The following TMEM167B variants were observed in gnomAD, a reference collection of about 807,000 sequenced individuals.
The protein encoded by TMEM167B is protein kish-B.
TMEM167B carries 2 observed loss-of-function variants against 9.4 expected under a neutral mutation model. The ratio of observed to expected loss-of-function variants is 0.21; its 90% CI spans 0.09 to 0.67. The LOEUF is 0.67. TMEM167B is among the 30% of genes least tolerant of loss of function. TMEM167B has a pLI of 0.82. For missense variants in TMEM167B, 68 were observed against 87.6 expected (o/e 0.78, Z 0.89); for synonymous variants, 28 against 32.0 (o/e 0.87, Z 0.42).
rs965349658 is a variant in TMEM167B at position 109,096,069 on chromosome 1, A to C, written c.*1570A>C. ...GTCTTCTGTCTGCTTACTCCAAATA[A>C]TAAAAGCTGCTAGGAAGTTTAGATT... On this transcript the variant is annotated 3_prime_UTR_variant, in exon 3 of 3. Coordinates refer to ENST00000338272, the MANE Select transcript of TMEM167B (RefSeq NM_020141.4). 1 of 152,358 alleles carries C rather than the reference A, an allele frequency of 6.6e-6. No homozygotes were observed. The highest frequency in any genetic ancestry group is 1.5e-5 in the Non-Finnish European group (1 of 68,042). The allele number at this position is 152,358 out of a possible 1,614,324, so 9.4% of individuals were successfully genotyped here.
At chr1:109,091,054 TCC>T (rs1664437600) in intron 1 of TMEM167B, among the ~76,000 whole-genome samples, 172 bp downstream of exon 1, 1 of 151,722 alleles carries the variant, frequency 6.6e-6, no homozygotes, top group African/African-American at 2.4e-5. Context: ...GGTTCCCCCT[TCC>T]CATATTCATC....
At chr1:109,091,191 T>C (rs1202980769) in intron 1 of TMEM167B, among the ~76,000 whole-genome samples, 1 of 152,204 alleles carries the variant, frequency 6.6e-6, no homozygotes, top group African/African-American at 2.4e-5. Flanking sequence ...ACTACTGCTA[T>C]TTAAACCCGG....
intron 2 of TMEM167B, 54 bp downstream of exon 2, chr1:109,093,075 G>T: frequency 6.2e-7 from 1 of 1,606,074 alleles, no homozygotes; most frequent in Non-Finnish European, 8.5e-7. Context: ...ACAGTGTGGA[G>T]CTACAAAGTA....
rs1664547224 is a variant in TMEM167B, at chr1:109,095,524, T to G, written c.*1025T>G. ...CTTATAAAAGACAACAAACTTATTT[T>G]CTGTTTAAGTCTGAGTGTTATGGCA... On this transcript the variant is annotated 3_prime_UTR_variant, in exon 3 of 3. Transcript: ENST00000338272. 1 of 152,216 alleles carries G rather than the reference T, an allele frequency of 6.6e-6. No individual in the cohort carries two copies. The highest frequency in any genetic ancestry group is 2.4e-5 in the African/African-American group (1 of 41,456). 9.4% of individuals were successfully genotyped at this position (152,216 alleles called of 1,614,324 possible).
At chr1:109,094,235 G>A (rs1259614141) in intron 2 of TMEM167B, among the ~76,000 whole-genome samples, 182 bp from the exon 3 acceptor site, 3 of 152,114 alleles carry the variant, frequency 2.0e-5, no homozygotes, top group Non-Finnish European at 2.9e-5. Context: ...AGCCGAGATC[G>A]CGCCACTGCA....
At chr1:109,091,185 C>T (rs1664441183) in intron 1 of TMEM167B, among the ~76,000 whole-genome samples, 1 of 152,182 alleles carries the variant, frequency 6.6e-6, no homozygotes, top group Non-Finnish European at 1.5e-5. Flanking sequence ...AGAGGTACTA[C>T]TGCTATTTAA....
intron 1 of TMEM167B, among the ~76,000 whole-genome samples, chr1:109,091,096 C>T (rs941683744): frequency 6.6e-6 from 1 of 152,152 alleles, no homozygotes; most frequent in Non-Finnish European, 1.5e-5. Flanking sequence ...TATGCTCACA[C>T]CTCGAGTTAT....
At chr1:109,090,963 C>T in intron 1 of TMEM167B, 81 bp downstream of exon 1, 1 of 1,490,610 alleles carries the variant, frequency 6.7e-7, no homozygotes, top group South Asian at 1.3e-5. Context: ...ACTGACGTGG[C>T]CGTTCTCCCC....
rs906829373 is a variant in TMEM167B, at chr1:109,096,199, A to C, written c.*1700A>C. On this transcript the variant is annotated 3_prime_UTR_variant, in exon 3 of 3. Coordinates refer to ENST00000338272, the MANE Select transcript of TMEM167B (RefSeq NM_020141.4). Reference sequence around the variant, plus strand: ...TCAGAGTTGTGGCTGTTATCTCTTCAGGAATTGGTCCACAGGGTAAATTTC... The same window carrying C: ...TCAGAGTTGTGGCTGTTATCTCTTCCGGAATTGGTCCACAGGGTAAATTTC... 1.3e-5 allele frequency: 2 copies of C among 152,200 alleles called. No individual in the cohort carries two copies. The highest frequency in any genetic ancestry group is 2.9e-5 in the Non-Finnish European group (2 of 68,044). 9.4% of individuals were successfully genotyped at this position (152,200 alleles called of 1,614,324 possible).
At chr1:109,093,073 G>C in intron 2 of TMEM167B, 52 bp downstream of exon 2, 1 of 1,606,668 alleles carries the variant, frequency 6.2e-7, no homozygotes, top group Non-Finnish European at 8.5e-7. Flanking sequence ...GGACAGTGTG[G>C]AGCTACAAAG....
In TMEM167B at chr1:109,093,039, C is replaced by G. The variant is rs373030236; in HGVS notation, c.142+18C>G. 11 of 1,613,572 alleles carry G rather than the reference C, an allele frequency of 6.8e-6. No individual in the cohort carries two copies. In the African/African-American group the frequency reaches 1.5e-4, roughly 22 times the overall value. Reference sequence around the variant, plus strand: ...TTACAAAGGTGAGGCCATGTCTGGACAGGGAGAAGAGACTGCCATCTCTGG... The same window carrying G: ...TTACAAAGGTGAGGCCATGTCTGGAGAGGGAGAAGAGACTGCCATCTCTGG... On this transcript the variant is annotated intron_variant, in intron 2 of 2. Coordinates refer to ENST00000338272, the MANE Select transcript of TMEM167B (RefSeq NM_020141.4).
intron 2 of TMEM167B, 123 bp from the exon 3 acceptor site, chr1:109,094,294 A>C: frequency 1.0e-6 from 1 of 954,694 alleles, no homozygotes; most frequent in Non-Finnish European, 1.6e-6. Flanking sequence ...TAAAATAAAA[A>C]CATCCCAGGC....
chr1:109,090,846 C>A lies in TMEM167B; in HGVS notation c.-27C>A. 1 of 1,585,230 alleles carries A rather than the reference C, an allele frequency of 6.3e-7. No homozygotes were observed. The highest frequency in any genetic ancestry group is 1.2e-5 in the South Asian group (1 of 86,864). ...CCGCTATTACCACTGAACCCGGACC[C>A]CCTACCCAGGTCCAGGGCCAGCCGC... On this transcript the variant is annotated 5_prime_UTR_variant, in exon 1 of 3. Coordinates refer to ENST00000338272, the MANE Select transcript of TMEM167B (RefSeq NM_020141.4).
Sources: allele counts gnomAD v4.1 joint callset (sites outside exome capture counted in the v4.1 genomes callset), GRCh38; gene constraint gnomAD v4.1.1; transcripts MANE v1.5; gene names NCBI Gene and HGNC (gene_info 2026-07-23, HGNC 2026-07-21).